ZFHX3: variants seen among roughly 807,000 people sequenced by gnomAD.
The protein encoded by ZFHX3 is zinc finger homeobox protein 3.
In ZFHX3, 42 loss-of-function variants were observed where a neutral mutation model predicts 279.1. That is an observed-to-expected ratio of 0.15 (90% CI 0.12 to 0.19). The LOEUF (loss-of-function observed/expected upper bound fraction) is 0.19, where lower values mean the gene tolerates loss of function less well. Ranked by LOEUF, ZFHX3 falls within the 10% of genes least tolerant of loss-of-function variation. ZFHX3 has a pLI of 1.00. For missense variants in ZFHX3, 4,981 were observed against 4,754.0 expected (o/e 1.05, Z -1.40); for synonymous variants, 2,293 against 1,957.8 (o/e 1.17, Z -4.52).
chr16:73,255,669 G>A (rs1207321891), intron 5 of ZFHX3, among the ~76,000 whole-genome samples: 4 of 152,196 alleles, frequency 2.6e-5, no homozygotes, highest in Admixed American at 6.5e-5. Context: ...AGGCAGTACT[G>A]GGAGACACTG....
At chr16:73,790,063 G>A (rs561582490) in intron 1 of ZFHX3, among the ~76,000 whole-genome samples, 7 of 152,090 alleles carry the variant, frequency 4.6e-5, no homozygotes, top group Non-Finnish European at 8.8e-5. Context: ...TTTGCTCCAG[G>A]CTGAAACTTG....
At chr16:72,886,836 G>C (rs554539573) in intron 4 of ZFHX3, among the ~76,000 whole-genome samples, 1 of 152,326 alleles carries the variant, frequency 6.6e-6, no homozygotes, top group East Asian at 1.9e-4. Context: ...TGGCCCAGGG[G>C]CCTCAGCCTC....
rs1403286762 is a variant in ZFHX3, at chr16:72,796,835, C to G, written c.5847G>C (p.Leu1949=). The G allele has an allele frequency of 6.2e-7, 1 of 1,613,494 alleles. No homozygotes were observed. The highest frequency in any genetic ancestry group is 8.5e-7 in the Non-Finnish European group (1 of 1,179,912). Reference sequence around the variant, plus strand: ...TGACCAACTCAAAGCCAAAGTTCTCCAGCAGGGCCTTGGTGGCGTTCCCTC... The same window carrying G: ...TGACCAACTCAAAGCCAAAGTTCTCGAGCAGGGCCTTGGTGGCGTTCCCTC... ...DARGNATKAL[L]ENFGFELVIQ... Residue 1949 remains leucine, a synonymous_variant, in exon 9 of 10, where the codon CTG becomes CTC. Transcript: ENST00000268489.
At chr16:72,882,635 G>C (rs1181686914) in intron 4 of ZFHX3, among the ~76,000 whole-genome samples, 1 of 152,110 alleles carries the variant, frequency 6.6e-6, no homozygotes, top group Non-Finnish European at 1.5e-5. Flanking sequence ...TCTCCAGGGG[G>C]ACCTTCCAGG....
At chr16:73,376,696 G>A (rs2016728643) in intron 3 of ZFHX3, among the ~76,000 whole-genome samples, 4 of 152,116 alleles carry the variant, frequency 2.6e-5, no homozygotes, top group South Asian at 2.1e-4. Flanking sequence ...GTTGAGAGGC[G>A]GATGGAATGT....
At chr16:73,297,865 C>T (rs2143120648) in intron 4 of ZFHX3, among the ~76,000 whole-genome samples, 1 of 151,944 alleles carries the variant, frequency 6.6e-6, no homozygotes, top group East Asian at 1.9e-4. Context: ...TAGCACAGTT[C>T]CTGGCACATA....
At chr16:73,720,269 C>G (rs1437784132) in intron 1 of ZFHX3, among the ~76,000 whole-genome samples, 2 of 152,136 alleles carry the variant, frequency 1.3e-5, no homozygotes, top group Non-Finnish European at 2.9e-5. Context: ...CAACATTTAT[C>G]AACACTCTTA....
At chr16:72,997,293 G>T (rs748258209) in intron 1 of ZFHX3, among the ~76,000 whole-genome samples, 1 of 152,122 alleles carries the variant, frequency 6.6e-6, no homozygotes, top group Non-Finnish European at 1.5e-5. Flanking sequence ...TGTGAAACTT[G>T]AACAACCGGA....
At chr16:73,644,920 C>A (rs529926308) in intron 2 of ZFHX3, among the ~76,000 whole-genome samples, 1 of 152,266 alleles carries the variant, frequency 6.6e-6, no homozygotes, top group South Asian at 2.1e-4. Context: ...GAAGCCACAG[C>A]AGAGGCTGAC....
At chr16:73,139,657 G>A (rs1396145409) in intron 6 of ZFHX3, among the ~76,000 whole-genome samples, 1 of 152,220 alleles carries the variant, frequency 6.6e-6, no homozygotes, top group Non-Finnish European at 1.5e-5. Flanking sequence ...GATGGGAACA[G>A]GGAGTTGGCT....
intron 2 of ZFHX3, among the ~76,000 whole-genome samples, chr16:73,612,953 C>A (rs2052262475): frequency 6.6e-6 from 1 of 151,836 alleles, no homozygotes; most frequent in East Asian, 1.9e-4. Flanking sequence ...GGGCATATTT[C>A]AATGAAGCTC....
At chr16:73,048,639 A>C (rs1166003213), upstream of ZFHX3, among the ~76,000 whole-genome samples, 1 of 152,226 alleles carries the variant, frequency 6.6e-6, no homozygotes, top group Non-Finnish European at 1.5e-5. Context: ...TCCGAACCGG[A>C]GCCATCGCTC....
Position 72,959,951 on chromosome 16 carries a change from G to T in ZFHX3, c.195C>A (p.Thr65=), listed in dbSNP as rs367648794. Reference sequence around the variant, plus strand: ...GCTCGGAGGGGGGCCCGGCCGACGCGGTGCTCTCCGCGAGGCGCTCATTGA... The same window carrying T: ...GCTCGGAGGGGGGCCCGGCCGACGCTGTGCTCTCCGCGAGGCGCTCATTGA... The part of the protein sequence containing the change: ...APFNERLAES[T]ASAGPPSEPA... Residue 65 remains threonine (T), a synonymous_variant, in exon 2 of 10, where the codon ACC becomes ACA. Coordinates refer to ENST00000268489, the MANE Select transcript of ZFHX3 (RefSeq NM_006885.4). 3 of 1,605,728 alleles carry T rather than the reference G, an allele frequency of 1.9e-6. No individual in the cohort carries two copies. Among genetic ancestry groups the T allele is most frequent in the African/African-American group, 1.3e-5 (1 of 74,698 alleles).
At chr16:73,762,540 C>T (rs1216727561) in intron 1 of ZFHX3, among the ~76,000 whole-genome samples, 6 of 152,162 alleles carry the variant, frequency 3.9e-5, no homozygotes, top group South Asian at 4.2e-4. Flanking sequence ...ATGCTCATTG[C>T]GCACTACTCA....
At chr16:73,226,410 A>G (rs2144925832) in intron 5 of ZFHX3, among the ~76,000 whole-genome samples, 1 of 152,360 alleles carries the variant, frequency 6.6e-6, no homozygotes, top group Middle Eastern at 3.4e-3. Context: ...AGCGCATGCT[A>G]TTTTAAAAAG....
intron 2 of ZFHX3, among the ~76,000 whole-genome samples, chr16:73,491,235 C>T (rs2019051564): frequency 1.3e-5 from 2 of 152,280 alleles, no homozygotes; most frequent in South Asian, 4.1e-4. Context: ...GGAGTATGGC[C>T]TTGGCTGTTA....
intron 1 of ZFHX3, among the ~76,000 whole-genome samples, chr16:73,010,126 A>G (rs1963863460): frequency 6.6e-6 from 1 of 151,826 alleles, no homozygotes. Flanking sequence ...GGTGGCACTC[A>G]GCTCCCACCA....
At position 73,549,369 on chromosome 16, in the gene ZFHX3, A is replaced by G. The variant is rs188179769; in HGVS notation, c.-1546-93111T>C. Among the ~76,000 whole-genome samples the G allele has an allele frequency of 3.7e-3, 556 of 152,220 alleles. 3 individuals carry two copies. The highest frequency in any genetic ancestry group is 4.7e-3 in the Non-Finnish European group (317 of 67,996). On this transcript the variant is annotated intron_variant, in intron 2 of 17. Coordinates refer to the ZFHX3 transcript ENST00000641206. ...CATATATATTTTTATCCACATCACA[A>G]TTCTTGTTGGGTGTTAATACAGGTT...
chr16:73,726,822 G>A lies in ZFHX3; in HGVS notation c.-1607-46582C>T, dbSNP rs77137512. Among the ~76,000 whole-genome samples the A allele has an allele frequency of 4.6e-3, 697 of 152,288 alleles. 5 individuals are homozygous for A. Among genetic ancestry groups the A allele is most frequent in the African/African-American group, 0.016 (660 of 41,564 alleles). The stretch of plus-strand genomic sequence containing the variant: ...CCTCCCACCAGGCCCTACCTCCAAC[G>A]CTGGGGATTACATGTCAACATGAGA... On this transcript the variant is annotated intron_variant, in intron 1 of 17. Transcript: ENST00000641206.
Sources: gnomAD v4.1 joint callset for allele counts (sites outside exome capture counted in the v4.1 genomes callset) on GRCh38, gnomAD v4.1.1 for gene constraint, MANE v1.5 for transcripts, NCBI Gene and HGNC (gene_info 2026-07-23, HGNC 2026-07-21) for gene names.